ATP6V1H: variants seen among roughly 807,000 people sequenced by gnomAD.
The protein encoded by ATP6V1H is V-type proton ATPase subunit H.
ATP6V1H carries 39 observed loss-of-function variants against 71.7 expected under a neutral mutation model. The ratio of observed to expected loss-of-function variants is 0.54; its 90% CI spans 0.42 to 0.71. ATP6V1H has a LOEUF of 0.71. Among genes scored for constraint, ATP6V1H ranks in the 30% least tolerant of loss-of-function variants. The pLI, the probability that ATP6V1H is intolerant of heterozygous loss-of-function variation, is 0.00. For synonymous variants in ATP6V1H, 192 were observed against 199.3 expected, an observed-to-expected ratio of 0.96 and a Z score of 0.31; for missense variants, 509 against 594.9, an observed-to-expected ratio of 0.86 and a Z score of 1.50.
At chr8:53,727,232 C>A (rs1393531344) in intron 13 of ATP6V1H, among the ~76,000 whole-genome samples, 1 of 152,214 alleles carries the variant, frequency 6.6e-6, no homozygotes, top group Non-Finnish European at 1.5e-5. Flanking sequence ...CGCTGCTGCA[C>A]CCACTGCATA....
intron 11 of ATP6V1H, among the ~76,000 whole-genome samples, chr8:53,757,260 A>AGT (rs1460959490): frequency 2.6e-5 from 4 of 152,200 alleles, no homozygotes; most frequent in African/African-American, 9.7e-5. Flanking sequence ...GGTACTTCTG[A>AGT]GAACAGGAGC....
At chr8:53,784,323 G>T (rs1809287736) in intron 9 of ATP6V1H, among the ~76,000 whole-genome samples, 1 of 152,080 alleles carries the variant, frequency 6.6e-6, no homozygotes, top group South Asian at 2.1e-4. Flanking sequence ...ATCTTTGTTG[G>T]TTTAAAGTCT....
rs541988999 is a variant in ATP6V1H at position 53,795,860 on chromosome 8, A to C, written c.678-21T>G. 73 of 1,573,620 alleles carry C rather than the reference A, an allele frequency of 4.6e-5. No individual in the cohort carries two copies. The highest frequency in any genetic ancestry group is 1.1e-4 in the East Asian group (5 of 44,526). On this transcript the variant is annotated intron_variant, in intron 8 of 13. Coordinates refer to ENST00000359530, the MANE Select transcript of ATP6V1H (RefSeq NM_015941.4). ...TTATGCTGAAAAACAAACAAACAAA[A>C]AAAACACATTTACAAAACATTTAGA...
chr8:53,743,814 G>A lies in ATP6V1H; in HGVS notation c.1278-124C>T, dbSNP rs754475156. 12 of 617,918 alleles carry A rather than the reference G, an allele frequency of 1.9e-5. No individual in the cohort carries two copies. In the South Asian group the frequency reaches 1.9e-4, roughly 10 times the overall value. 38.3% of individuals were successfully genotyped at this position (617,918 alleles called of 1,614,324 possible). A position where few individuals can be genotyped will look rare whatever the true frequency, so the allele number is the denominator to read the frequency against. On this transcript the variant is annotated intron_variant, in intron 12 of 13. Transcript: ENST00000359530. ...AACAATGTACGTAAATAAACCAAAC[G>A]TGTCTTTTTTTACATCATTTTCCCT...
intron 9 of ATP6V1H, among the ~76,000 whole-genome samples, chr8:53,779,085 A>G (rs762197892): frequency 1.3e-5 from 2 of 152,230 alleles, no homozygotes; most frequent in Non-Finnish European, 2.9e-5. Flanking sequence ...AAATAGACAA[A>G]TCCACAATAA....
Position 53,830,001 on chromosome 8 carries a change from C to G in ATP6V1H, c.217-468G>C, listed in dbSNP as rs188502429. Among the ~76,000 whole-genome samples the G allele has an allele frequency of 2.3e-3, 348 of 152,270 alleles. 2 individuals are homozygous for G. Among genetic ancestry groups the G allele is most frequent in the African/African-American group, 8.0e-3 (331 of 41,538 alleles). Reference sequence around the variant, plus strand: ...CCTCTCCATAATTCAATAAAAACTGCAGCCAACAATATATTACCTACCAAC... The same window carrying G: ...CCTCTCCATAATTCAATAAAAACTGGAGCCAACAATATATTACCTACCAAC... On this transcript the variant is annotated intron_variant, in intron 3 of 13. Coordinates refer to ENST00000359530, the MANE Select transcript of ATP6V1H (RefSeq NM_015941.4).
intron 3 of ATP6V1H, among the ~76,000 whole-genome samples, chr8:53,830,319 T>C (rs931983328): frequency 6.6e-6 from 1 of 152,186 alleles, no homozygotes; most frequent in Non-Finnish European, 1.5e-5. Context: ...TGGTATTCAC[T>C]CATTCAATAA....
intron 12 of ATP6V1H, among the ~76,000 whole-genome samples, chr8:53,746,719 T>C (rs780842006): frequency 7.2e-5 from 11 of 152,202 alleles, no homozygotes; most frequent in African/African-American, 1.2e-4. Flanking sequence ...CAAGATGCAA[T>C]TGAAGCACCA....
intron 4 of ATP6V1H, among the ~76,000 whole-genome samples, chr8:53,818,310 T>C (rs1810519695): frequency 6.6e-6 from 1 of 152,220 alleles, no homozygotes; most frequent in Admixed American, 6.5e-5. Context: ...GAACAGGTGG[T>C]ATTTGTTATG....
At chr8:53,838,121 T>G (rs1184897394) in intron 2 of ATP6V1H, among the ~76,000 whole-genome samples, 1 of 110,728 alleles carries the variant, frequency 9.0e-6, no homozygotes, top group Non-Finnish European at 1.7e-5. Context: ...CAACTCCTGT[T>G]ACTGTCTTTT....
chr8:53,721,616 G>A (rs1367234003), intron 13 of ATP6V1H, among the ~76,000 whole-genome samples: 1 of 152,110 alleles, frequency 6.6e-6, no homozygotes, highest in East Asian at 1.9e-4. Flanking sequence ...CATGTTGTAA[G>A]GTTAGGACAA....
chr8:53,761,079 G>A (rs558284559), intron 11 of ATP6V1H, among the ~76,000 whole-genome samples: 1 of 151,218 alleles, frequency 6.6e-6, no homozygotes, highest in South Asian at 2.1e-4. Flanking sequence ...GCTCACGCCT[G>A]TAATCCCAGC....
chr8:53,722,389 G>A (rs1041213949), intron 13 of ATP6V1H, among the ~76,000 whole-genome samples: 4 of 152,222 alleles, frequency 2.6e-5, no homozygotes, highest in African/African-American at 9.6e-5. Context: ...CACAGGGCAT[G>A]ACCCTAGCCA....
intron 9 of ATP6V1H, among the ~76,000 whole-genome samples, chr8:53,793,621 G>A (rs1809635908): frequency 6.6e-6 from 1 of 151,874 alleles, no homozygotes; most frequent in South Asian, 2.1e-4. Context: ...CTCCAGCCTG[G>A]ATGACAGAGT....
Position 53,790,288 on chromosome 8 carries a change from A to G in ATP6V1H, c.870+5359T>C, listed in dbSNP as rs148992738. ...AAATAACACACTTGCGTTCCAAAAG[A>G]CTTTTCACTATTCTTTCTGTCTAGG... On this transcript the variant is annotated intron_variant, in intron 9 of 13. Coordinates refer to ENST00000359530, the MANE Select transcript of ATP6V1H (RefSeq NM_015941.4). Among the ~76,000 whole-genome samples the G allele has an allele frequency of 2.2e-3, 337 of 152,316 alleles. 2 individuals carry two copies. Among genetic ancestry groups the G allele is most frequent in the African/African-American group, 7.8e-3 (326 of 41,562 alleles).
chr8:53,788,048 T>C (rs1490227481), intron 9 of ATP6V1H, among the ~76,000 whole-genome samples: 1 of 152,208 alleles, frequency 6.6e-6, no homozygotes, highest in African/African-American at 2.4e-5. Context: ...AAAATTACTT[T>C]AAAAATCATC....
intron 2 of ATP6V1H, among the ~76,000 whole-genome samples, chr8:53,840,576 G>T (rs1218379102): frequency 1.3e-5 from 2 of 152,048 alleles, no homozygotes; most frequent in Non-Finnish European, 2.9e-5. Flanking sequence ...TTCCTTCAGG[G>T]ACAGTACTCT....
chr8:53,818,870 CT>C (rs1445686234), intron 4 of ATP6V1H, among the ~76,000 whole-genome samples: 2 of 152,018 alleles, frequency 1.3e-5, no homozygotes, highest in African/African-American at 4.8e-5. Flanking sequence ...TATATATAAA[CT>C]TTTCCATGCA....
intron 11 of ATP6V1H, among the ~76,000 whole-genome samples, chr8:53,760,687 G>T (rs1039631078): frequency 1.3e-5 from 2 of 152,258 alleles, no homozygotes; most frequent in African/African-American, 4.8e-5. Context: ...TTCACAACTG[G>T]TAACAACCCC....
Sources: allele counts gnomAD v4.1 joint callset (sites outside exome capture counted in the v4.1 genomes callset), GRCh38; gene constraint gnomAD v4.1.1; transcripts MANE v1.5; gene names NCBI Gene and HGNC (gene_info 2026-07-23, HGNC 2026-07-21).